SEL1L2: variants seen among roughly 807,000 people sequenced by gnomAD.
SEL1L2 encodes the protein SEL1L2 adaptor subunit of SYVN1 ubiquitin ligase, also known as protein sel-1 homolog 2.
SEL1L2 carries 89 observed loss-of-function variants against 98.8 expected under a neutral mutation model. That is an observed-to-expected ratio of 0.90 (90% CI 0.76 to 1.07). The LOEUF is 1.07. Among genes scored for constraint, SEL1L2 ranks in the 50% least tolerant of loss-of-function variants. The probability of loss-of-function intolerance (pLI) is 0.00; values close to 1 mark genes in which losing one functional copy is unlikely to be tolerated. For missense variants in SEL1L2, 788 were observed against 812.0 expected, an observed-to-expected ratio of 0.97 and a Z score of 0.36; for synonymous variants, 262 against 278.5, an observed-to-expected ratio of 0.94 and a Z score of 0.59.
chr20:13,854,674 T>C (rs746657588), intron 18 of SEL1L2, among the ~76,000 whole-genome samples: 1 of 152,142 alleles, frequency 6.6e-6, no homozygotes, highest in Non-Finnish European at 1.5e-5. Context: ...TAGGAAATAG[T>C]CCTTGATAAA....
At chr20:13,940,726 G>A (rs141588542) in intron 2 of SEL1L2, among the ~76,000 whole-genome samples, 4 of 152,208 alleles carry the variant, frequency 2.6e-5, no homozygotes, top group Non-Finnish European at 5.9e-5. Flanking sequence ...CTGAGGTTAG[G>A]AGTTCAAGAC....
At chr20:13,903,849 C>T (rs1260724814) in intron 5 of SEL1L2, among the ~76,000 whole-genome samples, 11 of 152,132 alleles carry the variant, frequency 7.2e-5, no homozygotes, top group Middle Eastern at 3.2e-3. Flanking sequence ...CATAGGGTCA[C>T]GAGGAGAATC....
At chr20:13,987,455 C>G (rs910981677) in intron 1 of SEL1L2, among the ~76,000 whole-genome samples, 4 of 151,566 alleles carry the variant, frequency 2.6e-5, no homozygotes, top group African/African-American at 9.7e-5. Flanking sequence ...AAGCGATTCT[C>G]CTGCCTCAGC....
intron 1 of SEL1L2, among the ~76,000 whole-genome samples, chr20:13,975,928 T>C (rs1039286098): frequency 6.6e-6 from 1 of 152,182 alleles, no homozygotes; most frequent in African/African-American, 2.4e-5. Context: ...GCTCAAGAGA[T>C]CCTCTTGCTT....
At chr20:13,991,347 C>T (rs542145325), upstream of SEL1L2, among the ~76,000 whole-genome samples, 1 of 152,090 alleles carries the variant, frequency 6.6e-6, no homozygotes, top group African/African-American at 2.4e-5. Flanking sequence ...TATTAGTTTC[C>T]CATTGCTGTG....
intron 1 of SEL1L2, among the ~76,000 whole-genome samples, chr20:13,987,920 C>A (rs1195812377): frequency 6.6e-6 from 1 of 152,182 alleles, no homozygotes; most frequent in Non-Finnish European, 1.5e-5. Flanking sequence ...TTCTCTCATT[C>A]TGTGGGTTGT....
Position 13,865,382 on chromosome 20 carries a change from C to A in SEL1L2, c.1537G>T (p.Ala513Ser), listed in dbSNP as rs998803099. The change falls in exon 16 of 20, where the codon GCT becomes TCT. Residue 513 changes from alanine (A) to serine (S), a missense_variant. Ala to Ser is a moderately conservative substitution (Grantham distance 99). Transcript: ENST00000284951. ...AAAATGAATGCTGAATTGCTTTGAG[C>A]TACTTCATACCCCATTTCTGCAAGC... The part of the protein sequence containing the change: ...ALLAEMGYEV[A>S]QSNSAFILES... The A allele has an allele frequency of 1.9e-6, 3 of 1,614,100 alleles. No homozygotes were observed. Among genetic ancestry groups the A allele is most frequent in the Non-Finnish European group, 2.5e-6 (3 of 1,179,992 alleles).
chr20:13,942,816 C>T (rs2049841027), intron 2 of SEL1L2, among the ~76,000 whole-genome samples: 1 of 152,010 alleles, frequency 6.6e-6, no homozygotes, highest in African/African-American at 2.4e-5. Context: ...CAATTTTAAA[C>T]TTTAAAATTA....
rs143129534 is a variant in SEL1L2 at position 13,931,662 on chromosome 20, C to T, written c.224G>A (p.Arg75His). ...ENLLEKKKNQ[R>H]KIRIKGIQNK... ...TTGAATTCCTTTTATTCTTATTTTACGTTGATTCTTCTTTTTCTCCAGGAG... is the reference window on the plus strand; with the variant it reads ...TTGAATTCCTTTTATTCTTATTTTATGTTGATTCTTCTTTTTCTCCAGGAG... The change falls in exon 3 of 20, where the codon CGT becomes CAT. Residue 75 changes from arginine to histidine, a missense_variant. Transcript: ENST00000284951. The T allele has an allele frequency of 0.018, 27,931 of 1,512,738 alleles. 336 individuals carry two copies. Among genetic ancestry groups the T allele is most frequent in the Non-Finnish European group, 0.023 (25,128 of 1,111,210 alleles). 93.7% of individuals were successfully genotyped at this position (1,512,738 alleles called of 1,614,324 possible). A position where few individuals can be genotyped will look rare whatever the true frequency, so the allele number is the denominator to read the frequency against.
intron 5 of SEL1L2, among the ~76,000 whole-genome samples, chr20:13,895,200 T>C (rs930548473): frequency 6.6e-6 from 1 of 152,192 alleles, no homozygotes; most frequent in Non-Finnish European, 1.5e-5. Context: ...CCCAGCACTT[T>C]AGGAAGCCTA....
chr20:13,877,203 T>C (rs1435417735), intron 11 of SEL1L2, among the ~76,000 whole-genome samples: 2 of 152,172 alleles, frequency 1.3e-5, no homozygotes, highest in African/African-American at 4.8e-5. Flanking sequence ...AACTGTCACC[T>C]CAAGAATATC....
intron 4 of SEL1L2, among the ~76,000 whole-genome samples, chr20:13,916,060 A>G (rs1027672989): frequency 6.4e-4 from 97 of 152,178 alleles, no homozygotes; most frequent in African/African-American, 2.3e-3. Context: ...ACTCACTCAG[A>G]CAAATTTGTT....
chr20:13,992,836 A>G (rs956482440), upstream of SEL1L2, among the ~76,000 whole-genome samples: 5 of 152,062 alleles, frequency 3.3e-5, no homozygotes, highest in East Asian at 9.7e-4. Flanking sequence ...TAGCAGGGAA[A>G]GGGGGTGGGA....
At chr20:13,978,701 A>T (rs2051662746) in intron 1 of SEL1L2, among the ~76,000 whole-genome samples, 1 of 152,140 alleles carries the variant, frequency 6.6e-6, no homozygotes. Context: ...AAAATATAAA[A>T]TAAGTATACA....
At chr20:13,880,640 T>C (rs950959308) in intron 10 of SEL1L2, among the ~76,000 whole-genome samples, 4 of 126,878 alleles carry the variant, frequency 3.2e-5, no homozygotes, top group South Asian at 2.6e-4. Context: ...ATCCATCCAT[T>C]CATCCATCCT....
intron 5 of SEL1L2, among the ~76,000 whole-genome samples, chr20:13,903,479 T>C (rs961742959): frequency 6.6e-6 from 1 of 152,230 alleles, no homozygotes; most frequent in Non-Finnish European, 1.5e-5. Context: ...CACACACTTA[T>C]GTGTGCCATT....
At chr20:13,894,915 TAAG>T (rs1047942015) in intron 5 of SEL1L2, among the ~76,000 whole-genome samples, 50 of 152,172 alleles carry the variant, frequency 3.3e-4, no homozygotes, top group African/African-American at 9.4e-4. Context: ...ACGAAAAATC[TAAG>T]AAGAATTAAC....
intron 10 of SEL1L2, among the ~76,000 whole-genome samples, chr20:13,883,055 C>G (rs1370995747): frequency 6.6e-6 from 1 of 152,014 alleles, no homozygotes; most frequent in African/African-American, 2.4e-5. Context: ...CTCCTGACCT[C>G]GTGATCCGCC....
intron 18 of SEL1L2, 92 bp downstream of exon 18, chr20:13,859,169 AT>A: frequency 8.2e-7 from 1 of 1,217,458 alleles, no homozygotes; most frequent in Non-Finnish European, 1.2e-6. Flanking sequence ...CTTCCTCTAC[AT>A]TGATGACATC....
Sources: gnomAD v4.1 joint callset for allele counts (sites outside exome capture counted in the v4.1 genomes callset) on GRCh38, gnomAD v4.1.1 for gene constraint, MANE v1.5 for transcripts, NCBI Gene and HGNC (gene_info 2026-07-23, HGNC 2026-07-21) for gene names.